CNBD1: variants seen among roughly 807,000 people sequenced by gnomAD.
CNBD1 encodes cyclic nucleotide-binding domain-containing protein 1.
In CNBD1, 71 loss-of-function variants were observed where a neutral mutation model predicts 54.4. The ratio of observed to expected loss-of-function variants is 1.30; its 90% confidence interval spans 1.08 to 1.59. The LOEUF (loss-of-function observed/expected upper bound fraction) is 1.59. Ranked by LOEUF, CNBD1 falls within the 40% of genes most tolerant of loss-of-function variation. The probability of loss-of-function intolerance (pLI) is 0.00; values close to 1 mark genes in which losing one functional copy is unlikely to be tolerated. For synonymous variants in CNBD1, 182 were observed against 170.7 expected (o/e 1.07, Z -0.51); for missense variants, 659 against 518.0 (o/e 1.27, Z -2.64).
At chr8:87,005,226 C>T (rs1049480265) in intron 4 of CNBD1, among the ~76,000 whole-genome samples, 3 of 151,486 alleles carry the variant, frequency 2.0e-5, no homozygotes, top group African/African-American at 7.3e-5. Flanking sequence ...AAAAATTAGC[C>T]GGGCACGGTG....
intron 4 of CNBD1, among the ~76,000 whole-genome samples, chr8:86,969,960 A>T (rs1418078712): frequency 1.3e-5 from 2 of 151,900 alleles, no homozygotes; most frequent in African/African-American, 4.8e-5. Flanking sequence ...CCTGAAATAT[A>T]TTAATATTTT....
At chr8:86,877,519 C>G (rs910680542) in intron 1 of CNBD1, among the ~76,000 whole-genome samples, 1 of 152,090 alleles carries the variant, frequency 6.6e-6, no homozygotes. Flanking sequence ...CAGGACATTG[C>G]TGTGGAGAAG....
chr8:87,321,888 G>A lies in CNBD1; in HGVS notation c.1043-29797G>A, dbSNP rs543396546. 2.4e-3 allele frequency among the ~76,000 whole-genome samples: 353 copies of A among 147,744 alleles called. 2 individuals carry two copies. Among genetic ancestry groups the A allele is most frequent in the South Asian group, 4.3e-3 (20 of 4,628 alleles). ...TACATATGTATACATGTGCCATGCTGGTGTGCTGCACCCACCACCTCGTCA... is the reference window on the plus strand; with the variant it reads ...TACATATGTATACATGTGCCATGCTAGTGTGCTGCACCCACCACCTCGTCA... On this transcript the variant is annotated intron_variant, in intron 8 of 10. Transcript: ENST00000518476.
chr8:87,115,804 A>G (rs1586266866), intron 4 of CNBD1, among the ~76,000 whole-genome samples: 2 of 152,324 alleles, frequency 1.3e-5, no homozygotes, highest in Admixed American at 1.3e-4. Context: ...ATACTGCATA[A>G]GCCCTCTGGA....
intron 4 of CNBD1, among the ~76,000 whole-genome samples, chr8:87,043,328 T>C (rs1810114203): frequency 6.6e-6 from 1 of 152,196 alleles, no homozygotes; most frequent in South Asian, 2.1e-4. Flanking sequence ...GTGTGTATAA[T>C]ACACATATCT....
intron 5 of CNBD1, among the ~76,000 whole-genome samples, chr8:87,220,690 G>C (rs926371327): frequency 6.6e-6 from 1 of 151,752 alleles, no homozygotes; most frequent in Admixed American, 6.6e-5. Context: ...TTGTCATACA[G>C]ATATGTTATA....
At chr8:87,029,257 G>T (rs10955169) in intron 4 of CNBD1, among the ~76,000 whole-genome samples, 1 of 152,028 alleles carries the variant, frequency 6.6e-6, no homozygotes, top group East Asian at 1.9e-4. Flanking sequence ...ACCAATATAC[G>T]TGAAAAGTGG....
intron 8 of CNBD1, among the ~76,000 whole-genome samples, chr8:87,290,450 C>T (rs897449500): frequency 6.6e-6 from 1 of 152,042 alleles, no homozygotes; most frequent in Non-Finnish European, 1.5e-5. Context: ...GATCCAACAA[C>T]ATTATACACA....
chr8:87,421,208 G>T (rs1426172662), intron 2 of CNBD1, among the ~76,000 whole-genome samples: 1 of 151,212 alleles, frequency 6.6e-6, no homozygotes, highest in Non-Finnish European at 1.5e-5. Flanking sequence ...AATTCACTTA[G>T]TATCTCATTT....
chr8:87,072,327 T>A (rs547015220), intron 4 of CNBD1, among the ~76,000 whole-genome samples: 3 of 152,178 alleles, frequency 2.0e-5, no homozygotes, highest in Non-Finnish European at 4.4e-5. Flanking sequence ...TTATTATGTG[T>A]GAATTTGATC....
At chr8:87,187,578 A>G (rs1372707534) in intron 4 of CNBD1, among the ~76,000 whole-genome samples, 2 of 151,796 alleles carry the variant, frequency 1.3e-5, no homozygotes, top group Non-Finnish European at 2.9e-5. Flanking sequence ...AACCAGCATT[A>G]TCAGTCAGCA....
chr8:87,342,098 C>G (rs536427699), intron 8 of CNBD1, among the ~76,000 whole-genome samples: 13 of 152,086 alleles, frequency 8.5e-5, no homozygotes, highest in South Asian at 6.2e-4. Flanking sequence ...ACGGCGAAAC[C>G]CTGTTTCTAC....
At chr8:87,223,168 T>G (rs1007839621) in intron 5 of CNBD1, among the ~76,000 whole-genome samples, 1 of 151,280 alleles carries the variant, frequency 6.6e-6, no homozygotes, top group Non-Finnish European at 1.5e-5. Context: ...CATACGTATT[T>G]AATCTATCCT....
chr8:87,347,473 G>A, intron 8 of CNBD1, among the ~76,000 whole-genome samples: 1 of 148,716 alleles, frequency 6.7e-6, no homozygotes, highest in South Asian at 2.1e-4. Flanking sequence ...ATAAGTATAA[G>A]CAATAAACAA....
At chr8:87,323,227 G>A (rs1419925046) in intron 8 of CNBD1, among the ~76,000 whole-genome samples, 1 of 113,196 alleles carries the variant, frequency 8.8e-6, no homozygotes, top group Non-Finnish European at 1.9e-5. Flanking sequence ...ATAGTTTGAA[G>A]TCAGGTAGTG....
At chr8:87,411,397 C>CATGTATATATATATAT (rs1554588018) in intron 2 of CNBD1, among the ~76,000 whole-genome samples, 1 of 92,412 alleles carries the variant, frequency 1.1e-5, no homozygotes, top group Non-Finnish European at 2.0e-5. Context: ...CTAGCTATAT[C>CATGTATATATATATAT]ATATATATAT....
At chr8:87,399,981 G>A (rs189258707) in intron 2 of CNBD1, among the ~76,000 whole-genome samples, 1 of 151,860 alleles carries the variant, frequency 6.6e-6, no homozygotes, top group East Asian at 1.9e-4. Flanking sequence ...CAAGACCACT[G>A]GAAAGGGAAA....
intron 2 of CNBD1, among the ~76,000 whole-genome samples, chr8:87,421,713 T>A (rs1282194227): frequency 2.0e-5 from 3 of 150,780 alleles, no homozygotes; most frequent in African/African-American, 4.9e-5. Flanking sequence ...TTTGCTATTG[T>A]GAATAATGCC....
intron 5 of CNBD1, among the ~76,000 whole-genome samples, chr8:87,220,417 T>G (rs530341129): frequency 1.3e-5 from 2 of 151,974 alleles, no homozygotes. Flanking sequence ...TTATGAACAA[T>G]TTGATTCATT....
Sources: gnomAD v4.1 joint callset for allele counts (sites outside exome capture counted in the v4.1 genomes callset) on GRCh38, gnomAD v4.1.1 for gene constraint, MANE v1.5 for transcripts, NCBI Gene and HGNC (gene_info 2026-07-23, HGNC 2026-07-21) for gene names.